WDR11: variants seen among roughly 807,000 people sequenced by gnomAD.
The protein encoded by WDR11 is WD repeat-containing protein 11.
In WDR11, 83 loss-of-function variants were observed where a neutral mutation model predicts 151.2. The ratio of observed to expected loss-of-function variants is 0.55; its 90% confidence interval spans 0.46 to 0.66. The LOEUF (loss-of-function observed/expected upper bound fraction) is 0.66. Among genes scored for constraint, WDR11 ranks in the 30% least tolerant of loss-of-function variants. The probability of loss-of-function intolerance (pLI) is 0.00; values close to 1 mark genes in which losing one functional copy is unlikely to be tolerated. For missense variants in WDR11, 1,301 were observed against 1,480.9 expected, an observed-to-expected ratio of 0.88 and a Z score of 1.99; for synonymous variants, 484 against 533.1, an observed-to-expected ratio of 0.91 and a Z score of 1.27.
intron 9 of WDR11, chr10:120,868,712 C>G (rs1014017466): frequency 1.3e-5 from 2 of 152,206 alleles, no homozygotes; most frequent in Admixed American, 1.3e-4. Context: ...GCTCCAGAGC[C>G]TGCTCCTTAG....
intron 1 of WDR11, chr10:120,852,108 G>A (rs1845796493): frequency 4.1e-6 from 1 of 242,982 alleles, no homozygotes; most frequent in Non-Finnish European, 8.1e-6. Flanking sequence ...GATGTTGTTA[G>A]GAGGACTGAA....
At chr10:120,882,577 A>T (rs557523180) in intron 13 of WDR11, among the ~76,000 whole-genome samples, 12 of 150,150 alleles carry the variant, frequency 8.0e-5, no homozygotes, top group African/African-American at 1.5e-4. Context: ...GACTATTTAG[A>T]TTCTCTTTTT....
At chr10:120,877,977 A>G (rs1846857177) in intron 11 of WDR11, among the ~76,000 whole-genome samples, 2 of 152,176 alleles carry the variant, frequency 1.3e-5, no homozygotes, top group African/African-American at 4.8e-5. Flanking sequence ...TTAGAAGTAA[A>G]CAAAATAGAG....
chr10:120,859,843 C>T (rs1846075506), intron 3 of WDR11, among the ~76,000 whole-genome samples: 1 of 151,812 alleles, frequency 6.6e-6, no homozygotes, highest in African/African-American at 2.4e-5. Context: ...GGGCAAATTG[C>T]CTTTTATTTT....
At chr10:120,880,722 A>AG (rs146761885) in intron 12 of WDR11, 104 bp from the exon 13 acceptor site, 52,581 of 949,740 alleles carry the variant, frequency 0.055, 1,910 homozygotes, top group Non-Finnish European at 0.062. Flanking sequence ...AGGAGAACAG[A>AG]GGGTAGGATG....
intron 3 of WDR11, among the ~76,000 whole-genome samples, chr10:120,858,999 C>G (rs1846040539): frequency 6.6e-6 from 1 of 152,202 alleles, no homozygotes; most frequent in Non-Finnish European, 1.5e-5. Context: ...CAAATCTCAA[C>G]TGATTTGTGC....
chr10:120,882,515 G>T (rs929726867), intron 13 of WDR11, among the ~76,000 whole-genome samples: 5 of 147,012 alleles, frequency 3.4e-5, no homozygotes, highest in Admixed American at 2.7e-4. Context: ...TTTCTTTGTG[G>T]CAAAGTTTTT....
chr10:120,889,597 A>G (rs1847349814), intron 17 of WDR11: 2 of 447,956 alleles, frequency 4.5e-6, no homozygotes, highest in Admixed American at 6.9e-5. Flanking sequence ...AAGAAGGATC[A>G]GTAAACTCGT....
chr10:120,868,025 A>AT (rs1433721527), intron 9 of WDR11, among the ~76,000 whole-genome samples: 2 of 152,232 alleles, frequency 1.3e-5, no homozygotes, highest in South Asian at 2.1e-4. Context: ...TGGACATCTA[A>AT]TTTTTTTACA....
chr10:120,852,303 G>T lies in WDR11; in HGVS notation c.87-221G>T, dbSNP rs1845806637. On this transcript the variant is annotated intron_variant, in intron 1 of 28. Coordinates refer to ENST00000263461, the MANE Select transcript of WDR11 (RefSeq NM_018117.12). ...CGGGTCTCTATTTTCATATCTTTTA[G>T]AACTTTTTTTATCCGAATGAAAAGT... 5.9e-6 allele frequency: 3 copies of T among 512,232 alleles called. 1 individual carries two copies. Among genetic ancestry groups the T allele is most frequent in the South Asian group, 4.2e-5 (2 of 47,278 alleles). 31.7% of individuals were successfully genotyped at this position (512,232 alleles called of 1,614,324 possible). A position where few individuals can be genotyped will look rare whatever the true frequency, so the allele number is the denominator to read the frequency against.
At chr10:120,865,256 T>C (rs1345670109) in intron 6 of WDR11, 44 bp downstream of exon 6, 1 of 1,588,756 alleles carries the variant, frequency 6.3e-7, no homozygotes, top group Non-Finnish European at 8.6e-7. Flanking sequence ...TTATTAAGAA[T>C]GTTATATTAA....
rs1217185021 is a variant in WDR11, at chr10:120,909,460, CTG to C, written c.*749_*750del. On this transcript the variant is annotated 3_prime_UTR_variant, in exon 29 of 29. Coordinates refer to ENST00000263461, the MANE Select transcript of WDR11 (RefSeq NM_018117.12). ...AAGTATGAGATGTAACTATTATAAACTGTTGCTGAAAACATAAATGTCTGTAA... is the reference window on the plus strand; with the variant it reads ...AAGTATGAGATGTAACTATTATAAACTTGCTGAAAACATAAATGTCTGTAA... 6.6e-6 allele frequency: 1 copy of C among 152,670 alleles called. No individual in the cohort carries two copies. Among genetic ancestry groups the C allele is most frequent in the Non-Finnish European group, 1.5e-5 (1 of 68,074 alleles). The allele number at this position is 152,670 out of a possible 1,614,324, so 9.5% of individuals were successfully genotyped here. A position where few individuals can be genotyped will look rare whatever the true frequency, so the allele number is the denominator to read the frequency against.
intron 23 of WDR11, 86 bp downstream of exon 23, chr10:120,903,318 C>T (rs894012912): frequency 6.6e-7 from 1 of 1,506,674 alleles, no homozygotes; most frequent in East Asian, 2.3e-5. Context: ...GGGAAACTTT[C>T]AAACTAAGTT....
At chr10:120,858,497 C>T in intron 2 of WDR11, 146 bp from the exon 3 acceptor site, 1 of 1,011,736 alleles carries the variant, frequency 9.9e-7, no homozygotes, top group Non-Finnish European at 1.5e-6. Context: ...ATGCTGCCTT[C>T]AAAATGAAAA....
intron 19 of WDR11, among the ~76,000 whole-genome samples, chr10:120,892,290 A>G (rs569316611): frequency 1.3e-5 from 2 of 152,148 alleles, no homozygotes; most frequent in East Asian, 3.9e-4. Context: ...TTCTTTTAAA[A>G]TTTTTCTGAT....
At chr10:120,856,888 A>G (rs1001895843) in intron 2 of WDR11, among the ~76,000 whole-genome samples, 7 of 152,190 alleles carry the variant, frequency 4.6e-5, no homozygotes, top group Admixed American at 2.6e-4. Flanking sequence ...ACACTGAATT[A>G]GTGAATACTG....
At position 120,852,507 on chromosome 10, in the gene WDR11, C is replaced by T; in HGVS notation, c.87-17C>T. 1 of 1,609,426 alleles carries T rather than the reference C, an allele frequency of 6.2e-7. No individual in the cohort carries two copies. Among genetic ancestry groups the T allele is most frequent in the Non-Finnish European group, 8.5e-7 (1 of 1,175,952 alleles). On this transcript the variant is annotated splice_polypyrimidine_tract_variant and intron_variant, in intron 1 of 28. Transcript: ENST00000263461. ...GCTTTGTTCTGTACTTAAACTTTAA[C>T]ATTACTGTTTTGCTAGGGGCTGGCA...
In WDR11 at chr10:120,901,126, T is replaced by C. The variant is rs772610148; in HGVS notation, c.2687+28T>C. The C allele has an allele frequency of 3.2e-6, 5 of 1,552,036 alleles. No individual in the cohort carries two copies. The East Asian group carries it at 9.0e-5, about 28-fold the overall frequency. ...AAGCACTCCATGTTTCATTAGAAGA[T>C]AGGAATATGAGAAAGAAAAATGCAA... is the stretch of plus-strand genomic sequence containing the variant. On this transcript the variant is annotated intron_variant, in intron 21 of 28. Transcript: ENST00000263461.
rs10886800 is a variant in WDR11 at position 120,908,900 on chromosome 10, G to A, written c.*187G>A. 0.18 allele frequency: 117,705 copies of A among 645,812 alleles called. 12,502 individuals are homozygous for A. The highest frequency in any genetic ancestry group is 0.32 in the Admixed American group (12,335 of 38,310). 40.0% of individuals were successfully genotyped at this position (645,812 alleles called of 1,614,324 possible). A position where few individuals can be genotyped will look rare whatever the true frequency, so the allele number is the denominator to read the frequency against. The stretch of plus-strand genomic sequence containing the variant: ...TATGTTGAGAGTAAGTTTGTATCCT[G>A]CGTTGGTCTCAGAAAGAACGTGAAT... On this transcript the variant is annotated 3_prime_UTR_variant, in exon 29 of 29. Transcript: ENST00000263461.
Sources: gnomAD v4.1 joint callset for allele counts (sites outside exome capture counted in the v4.1 genomes callset) on GRCh38, gnomAD v4.1.1 for gene constraint, MANE v1.5 for transcripts, NCBI Gene and HGNC (gene_info 2026-07-23, HGNC 2026-07-21) for gene names.